The following RIMOC1 variants were observed in gnomAD, a reference collection of about 807,000 sequenced individuals.
RIMOC1 encodes RAB7A-interacting MON1-CCZ1 complex subunit 1.
chr5:41,914,845 C>G, the RIMOC1 span, among the ~76,000 whole-genome samples: 12 of 152,142 alleles, frequency 7.9e-5, no homozygotes, highest in South Asian at 8.3e-4. Flanking sequence ...AGGAAACCTA[C>G]TTTTCATAGG....
At chr5:41,914,089 C>A in the RIMOC1 span, among the ~76,000 whole-genome samples, 4 of 152,136 alleles carry the variant, frequency 2.6e-5, no homozygotes, top group African/African-American at 9.7e-5. Context: ...GCACAAATCA[C>A]CTGTTTTCCT....
At chr5:41,912,680 C>T in the RIMOC1 span, among the ~76,000 whole-genome samples, 1 of 152,180 alleles carries the variant, frequency 6.6e-6, no homozygotes, top group South Asian at 2.1e-4. Context: ...TGAGAATTCA[C>T]TCACTATCAC....
chr5:41,917,620 T>C, the RIMOC1 span: 27 of 987,604 alleles, frequency 2.7e-5, no homozygotes, highest in South Asian at 3.7e-4. Context: ...TATTGTGGTA[T>C]ATGTAACACA....
chr5:41,913,156 G>C, the RIMOC1 span, among the ~76,000 whole-genome samples: 13 of 152,164 alleles, frequency 8.5e-5, no homozygotes, highest in Non-Finnish European at 1.6e-4. Flanking sequence ...AATGGCAAAA[G>C]GGAATTTCAG....
the RIMOC1 span, among the ~76,000 whole-genome samples, chr5:41,904,778 G>A: frequency 3.9e-5 from 6 of 152,126 alleles, no homozygotes; most frequent in African/African-American, 1.4e-4. Context: ...AAATACAGAA[G>A]TTTAAATAAA....
At chr5:41,912,180 G>A in the RIMOC1 span, 1 of 1,545,392 alleles carries the variant, frequency 6.5e-7, no homozygotes, top group Non-Finnish European at 8.9e-7. Flanking sequence ...ATTACTGAGT[G>A]CAGGTAATGT....
At chr5:41,914,456 C>CAAACA in the RIMOC1 span, among the ~76,000 whole-genome samples, 16,775 of 146,502 alleles carry the variant, frequency 0.11, 996 homozygotes, top group Middle Eastern at 0.17. Flanking sequence ...GACTCTGTCT[C>CAAACA]AAACAAAACA....
chr5:41,917,106 A>G, the RIMOC1 span: 1 of 1,613,904 alleles, frequency 6.2e-7, no homozygotes, highest in Non-Finnish European at 8.5e-7. Flanking sequence ...CAGCAACCAG[A>G]AAATCATGAA....
the RIMOC1 span, chr5:41,907,917 G>C: frequency 1.2e-6 from 1 of 847,836 alleles, no homozygotes; most frequent in Non-Finnish European, 1.9e-6. Context: ...CCAACTTTAG[G>C]TAAAATGAAA....
the RIMOC1 span, among the ~76,000 whole-genome samples, chr5:41,905,389 A>G: frequency 1.3e-5 from 2 of 152,146 alleles, no homozygotes; most frequent in African/African-American, 4.8e-5. Context: ...CTCAGGCTGG[A>G]GCCCCTCTAG....
At chr5:41,920,563 G>A in the RIMOC1 span, 11 of 152,102 alleles carry the variant, frequency 7.2e-5, no homozygotes, top group African/African-American at 2.4e-4. Context: ...TATAGAGAGT[G>A]TCAAGTGATG....
the RIMOC1 span, among the ~76,000 whole-genome samples, chr5:41,906,049 A>G: frequency 2.0e-5 from 3 of 152,248 alleles, no homozygotes; most frequent in African/African-American, 7.2e-5. Flanking sequence ...CAAGAATAAT[A>G]TACATTCAAA....
At chr5:41,904,354 C>A in the RIMOC1 span, 4 of 1,612,900 alleles carry the variant, frequency 2.5e-6, no homozygotes, top group South Asian at 4.4e-5. Context: ...GGGGCGCACC[C>A]GCCGATTGTG....
At chr5:41,920,491 C>CG in the RIMOC1 span, 1 of 152,078 alleles carries the variant, frequency 6.6e-6, no homozygotes, top group Non-Finnish European at 1.5e-5. Context: ...TTAAAACCCC[C>CG]TCCTGTTTCA....
the RIMOC1 span, chr5:41,916,446 T>C: frequency 1.0e-6 from 1 of 966,104 alleles, no homozygotes; most frequent in Non-Finnish European, 1.2e-6. Context: ...TCTTTTTTTC[T>C]GGTAATACAA....
the RIMOC1 span, chr5:41,910,908 C>G: frequency 1.3e-6 from 1 of 783,652 alleles, no homozygotes; most frequent in South Asian, 1.9e-5. Flanking sequence ...AAAATAAGGC[C>G]TCCCTGTGTA....
At chr5:41,918,459 C>T in the RIMOC1 span, 1 of 985,468 alleles carries the variant, frequency 1.0e-6, no homozygotes. Context: ...CCACCCTCAG[C>T]TTTATGGGAT....
chr5:41,920,994 T>C, the RIMOC1 span: 2 of 152,622 alleles, frequency 1.3e-5, no homozygotes, highest in Non-Finnish European at 2.9e-5. Context: ...AATATGAATT[T>C]TTTTGATGTT....
At chr5:41,904,913 T>G in the RIMOC1 span, among the ~76,000 whole-genome samples, 14 of 152,218 alleles carry the variant, frequency 9.2e-5, no homozygotes, top group Non-Finnish European at 1.9e-4. Flanking sequence ...ACGTTTTGGA[T>G]TCAAAACAAC....
Sources: gnomAD v4.1 joint callset for allele counts (sites outside exome capture counted in the v4.1 genomes callset) on GRCh38, gnomAD v4.1.1 for gene constraint, MANE v1.5 for transcripts, NCBI Gene and HGNC (gene_info 2026-07-23, HGNC 2026-07-21) for gene names.